Variants in PPARGC1B observed in about 807,000 individuals in gnomAD.
The protein encoded by PPARGC1B is peroxisome proliferator-activated receptor gamma coactivator 1-beta.
A neutral mutation model predicts 101.6 loss-of-function variants in PPARGC1B; 34 were observed. The observed-to-expected ratio is 0.33, with a 90% CI of 0.25 to 0.45. PPARGC1B has a LOEUF of 0.45. Ranked by LOEUF, PPARGC1B falls within the 20% of genes least tolerant of loss-of-function variation. The pLI, the probability that PPARGC1B is intolerant of heterozygous loss-of-function variation, is 1.00. For synonymous variants in PPARGC1B, 548 were observed against 539.3 expected, an observed-to-expected ratio of 1.02 and a Z score of -0.22; for missense variants, 1,234 against 1,317.6, an observed-to-expected ratio of 0.94 and a Z score of 0.98.
chr5:149,830,816 C>T lies in PPARGC1B; in HGVS notation c.515C>T (p.Thr172Ile), dbSNP rs754792412. Residue 172 changes from threonine (T) to isoleucine (I), a missense_variant, in exon 4 of 12, where the codon ACC becomes ATC. Thr to Ile is a moderately conservative substitution (Grantham distance 89). This residue lies in a region of PPARGC1B where 734 missense variants were observed against 768.4 expected (regional missense o/e 0.96). Coordinates refer to ENST00000309241, the MANE Select transcript of PPARGC1B (RefSeq NM_133263.4). ...ATSYPTSSSD[T>I]QKEGTAWRQA... is the part of the protein sequence containing the mutation. ...TCCTACCCAACATCAAGCTCTGACA[C>T]CCAGAAGGAAGGGACCGCCTGGCGC... is the stretch of plus-strand genomic sequence containing the variant. 4 of 1,614,072 alleles carry T rather than the reference C, an allele frequency of 2.5e-6. No individual in the cohort carries two copies. The South Asian group carries it at 3.3e-5, about 13-fold the overall frequency.
rs148274154 is a variant in PPARGC1B, at chr5:149,815,293, G to T, written c.79-5140G>T. Among the ~76,000 whole-genome samples, 26 of 152,276 alleles carry T rather than the reference G, an allele frequency of 1.7e-4. No homozygotes were observed. In the East Asian group the frequency reaches 4.2e-3, roughly 25 times the overall value. ...AATCAAGTTAAAATGAGGTCATTAG[G>T]GTGGGCCCTCATCCAGTATGGCTAG... On this transcript the variant is annotated intron_variant, in intron 1 of 11. Transcript: ENST00000309241.
At chr5:149,826,972 C>T in intron 3 of PPARGC1B, 87 bp downstream of exon 3, 1 of 1,028,368 alleles carries the variant, frequency 9.7e-7, no homozygotes, top group Non-Finnish European at 1.5e-6. Flanking sequence ...CAATCCGCTC[C>T]AGCCCCGCAG....
intron 1 of PPARGC1B, among the ~76,000 whole-genome samples, chr5:149,752,884 A>G (rs1464065459): frequency 2.0e-5 from 3 of 152,170 alleles, no homozygotes; most frequent in African/African-American, 7.2e-5. Flanking sequence ...CAAAAACATT[A>G]TGCATGTTAC....
At position 149,833,035 on chromosome 5, in the gene PPARGC1B, A is replaced by G. The variant is rs200690044; in HGVS notation, c.962A>G (p.Gln321Arg). 193 of 1,613,632 alleles carry G rather than the reference A, an allele frequency of 1.2e-4. No homozygotes were observed. The highest frequency in any genetic ancestry group is 1.6e-4 in the Non-Finnish European group (187 of 1,180,008). Residue 321 changes from glutamine (Q) to arginine (R), a missense_variant, in exon 5 of 12, where the codon CAG becomes CGG. Around this residue, in one of 3 missense-constraint regions of PPARGC1B, gnomAD observed 734 missense variants for 768.4 expected, o/e 0.96. Transcript: ENST00000309241. The surrounding 1 kb of genome is among the most constrained non-coding windows in gnomAD (Gnocchi z 4.1). ...CCCAAGGCCTGCAGCAACCCCTCCC[A>G]GCAGGTCAGATCCCGGCCCTGGTCC... ...PLPKACSNPS[Q>R]QVRSRPWSRH...
rs1754402609 is a variant in PPARGC1B at position 149,730,327 on chromosome 5, C to T, written c.-16C>T. ...TCGGCGTTGACTCCGCCGCACGCTG[C>T]AGCCGCGGCTGGAAGATGGCGGGGA... is the stretch of plus-strand genomic sequence containing the variant. On this transcript the variant is annotated 5_prime_UTR_variant, in exon 1 of 12. Transcript: ENST00000309241. This position sits in a 1 kb window ranked among gnomAD's most constrained non-coding sequence, Gnocchi z 4.0. The T allele has an allele frequency of 6.5e-7, 1 of 1,548,188 alleles. No homozygotes were observed. The highest frequency in any genetic ancestry group is 8.7e-7 in the Non-Finnish European group (1 of 1,149,424).
chr5:149,825,185 G>A (rs1397285470), intron 2 of PPARGC1B, among the ~76,000 whole-genome samples: 2 of 152,244 alleles, frequency 1.3e-5, no homozygotes, highest in Non-Finnish European at 2.9e-5. Flanking sequence ...GGGGCCTGTG[G>A]GCTGGGGGAA....
intron 1 of PPARGC1B, among the ~76,000 whole-genome samples, chr5:149,784,545 C>T (rs955148726): frequency 7.1e-6 from 1 of 140,816 alleles, no homozygotes; most frequent in Non-Finnish European, 1.6e-5. Context: ...AGCCTCACTC[C>T]AGCCAACTGA....
In PPARGC1B at chr5:149,836,509, T is replaced by C. The variant is rs937744220; in HGVS notation, c.2054T>C (p.Phe685Ser). The change falls in exon 8 of 12, where the codon TTC becomes TCC. Residue 685 changes from phenylalanine to serine, a missense_variant. By Grantham distance (155) the Phe-to-Ser change is radical (BLOSUM62 -2). Coordinates refer to ENST00000309241, the MANE Select transcript of PPARGC1B (RefSeq NM_133263.4). ...TCCCAGGCTGGCCAGAAGCGTCCCT[T>C]CTCCTGTTCCTTTGGAGACCATGAC... ...PASQAGQKRP[F>S]SCSFGDHDYC... 2 of 1,613,978 alleles carry C rather than the reference T, an allele frequency of 1.2e-6. No homozygotes were observed. The highest frequency in any genetic ancestry group is 1.7e-6 in the Non-Finnish European group (2 of 1,180,018).
chr5:149,749,472 G>A (rs1374178643), intron 1 of PPARGC1B, among the ~76,000 whole-genome samples: 1 of 152,138 alleles, frequency 6.6e-6, no homozygotes, highest in African/African-American at 2.4e-5. Flanking sequence ...CGCTACTGCT[G>A]TCTGAGTTCC....
chr5:149,763,866 C>G (rs1351828253), intron 1 of PPARGC1B, among the ~76,000 whole-genome samples: 1 of 152,008 alleles, frequency 6.6e-6, no homozygotes, highest in East Asian at 1.9e-4. Context: ...TGACCGCCAC[C>G]TCTGCCTCCT....
intron 1 of PPARGC1B, among the ~76,000 whole-genome samples, chr5:149,814,570 C>T (rs529337702): frequency 1.3e-5 from 2 of 152,258 alleles, no homozygotes; most frequent in East Asian, 1.9e-4. Flanking sequence ...GCCACCCCTC[C>T]GCCCCACCTC....
chr5:149,826,594 A>G, intron 2 of PPARGC1B, 79 bp from the exon 3 acceptor site: 1 of 1,138,572 alleles, frequency 8.8e-7, no homozygotes, highest in Non-Finnish European at 1.3e-6. Context: ...GCTGGTGTCC[A>G]CCGTGGAGAC....
intron 11 of PPARGC1B, 146 bp downstream of exon 11, chr5:149,846,060 GC>G: frequency 1.1e-6 from 1 of 911,548 alleles, no homozygotes. Context: ...TAACTTTGCA[GC>G]CACTTTGCCT....
At position 149,850,754 on chromosome 5, in the gene PPARGC1B, C is replaced by A. The variant is rs1309312835; in HGVS notation, c.*3196C>A. On this transcript the variant is annotated 3_prime_UTR_variant, in exon 12 of 12. Coordinates refer to ENST00000309241, the MANE Select transcript of PPARGC1B (RefSeq NM_133263.4). ...TTGCTGTAGACTGTGTCGATAGCCG[C>A]CCGCACAGGGCAGGTCGTACTGTCC... is the stretch of plus-strand genomic sequence containing the variant. 1 of 152,206 alleles carries A rather than the reference C, an allele frequency of 6.6e-6. No individual in the cohort carries two copies. The highest frequency in any genetic ancestry group is 2.4e-5 in the African/African-American group (1 of 41,424). The allele number at this position is 152,206 out of a possible 1,614,324, so 9.4% of individuals were successfully genotyped here. A position where few individuals can be genotyped will look rare whatever the true frequency, so the allele number is the denominator to read the frequency against.
chr5:149,780,894 T>C (rs1267429998), intron 1 of PPARGC1B, among the ~76,000 whole-genome samples: 1 of 152,126 alleles, frequency 6.6e-6, no homozygotes, highest in East Asian at 1.9e-4. Context: ...AAGGGGAAGT[T>C]CTGGCTCGAG....
chr5:149,772,326 T>G (rs1756165167), intron 1 of PPARGC1B, among the ~76,000 whole-genome samples: 1 of 152,132 alleles, frequency 6.6e-6, no homozygotes. Context: ...GATGCGGTGT[T>G]TGTGCTGGTG....
At chr5:149,845,729 A>G in intron 10 of PPARGC1B, 31 bp from the exon 11 acceptor site, 2 of 1,571,876 alleles carry the variant, frequency 1.3e-6, no homozygotes, top group African/African-American at 1.3e-5. Context: ...AGCCAGCCCA[A>G]TAACATACTC....
chr5:149,765,030 A>G (rs1422433121), intron 1 of PPARGC1B, among the ~76,000 whole-genome samples: 1 of 148,138 alleles, frequency 6.8e-6, no homozygotes, highest in Non-Finnish European at 1.5e-5. Flanking sequence ...GAAACAGTTA[A>G]GTTAGGAGAG....
intron 1 of PPARGC1B, among the ~76,000 whole-genome samples, chr5:149,797,691 C>T (rs1017096865): frequency 7.9e-5 from 12 of 152,178 alleles, no homozygotes; most frequent in Admixed American, 1.3e-4. Flanking sequence ...GAGGCCGAGG[C>T]GGGTGAATCA....
Sources: allele counts gnomAD v4.1 joint callset (sites outside exome capture counted in the v4.1 genomes callset), GRCh38; gene constraint gnomAD v4.1.1; regional missense constraint gnomAD v4.1.1; non-coding constraint Gnocchi (gnomAD v3.1); transcripts MANE v1.5; gene names NCBI Gene and HGNC (gene_info 2026-07-23, HGNC 2026-07-21).